Variants in COL6A3 observed in about 807,000 individuals in gnomAD.
COL6A3 encodes collagen alpha-3(VI) chain.
A neutral mutation model predicts 274.1 loss-of-function variants in COL6A3; 137 were observed. The ratio of observed to expected loss-of-function variants is 0.50; its 90% CI spans 0.44 to 0.58. The LOEUF is 0.58. Among genes scored for constraint, COL6A3 ranks in the 20% least tolerant of loss-of-function variants. The pLI, the probability that COL6A3 is intolerant of heterozygous loss-of-function variation, is 0.00. For missense variants in COL6A3, 3,950 were observed against 4,124.9 expected, an observed-to-expected ratio of 0.96 and a Z score of 1.16; for synonymous variants, 1,650 against 1,650.6, an observed-to-expected ratio of 1.00 and a Z score of 0.01.
intron 1 of COL6A3, among the ~76,000 whole-genome samples, chr2:237,412,310 G>A (rs1345225159): frequency 1.3e-5 from 2 of 152,162 alleles, no homozygotes; most frequent in Non-Finnish European, 2.9e-5. Context: ...CGATGCCCCC[G>A]CCCCACGGTC....
intron 38 of COL6A3, among the ~76,000 whole-genome samples, chr2:237,340,049 G>A (rs1159188599): frequency 6.6e-6 from 1 of 152,208 alleles, no homozygotes; most frequent in African/African-American, 2.4e-5. Flanking sequence ...CCCGATCAAA[G>A]CAACTCTTTC....
intron 1 of COL6A3, among the ~76,000 whole-genome samples, chr2:237,399,739 C>T (rs2078542577): frequency 6.6e-6 from 1 of 152,216 alleles, no homozygotes; most frequent in South Asian, 2.1e-4. Context: ...AGCTCTTACT[C>T]CTCTGAAGCA....
Position 237,324,746 on chromosome 2 carries a change from A to C in COL6A3, c.*28T>G, listed in dbSNP as rs756223167. The C allele has an allele frequency of 6.2e-7, 1 of 1,612,500 alleles. No homozygotes were observed. Among genetic ancestry groups the C allele is most frequent in the Non-Finnish European group, 8.5e-7 (1 of 1,178,884 alleles). ...GCGATGGCTGACTCCTTCTTCTTCAAGAGGTATATGATGTTGGCCACCCAC... is the reference window on the plus strand; with the variant it reads ...GCGATGGCTGACTCCTTCTTCTTCACGAGGTATATGATGTTGGCCACCCAC... On this transcript the variant is annotated 3_prime_UTR_variant, in exon 44 of 44. Transcript: ENST00000295550.
At chr2:237,333,152 A>C in intron 42 of COL6A3, 1 of 458,038 alleles carries the variant, frequency 2.2e-6, no homozygotes, top group South Asian at 2.4e-5. Context: ...CCACAAATCA[A>C]CTCGAGTCCC....
chr2:237,359,434 C>T, intron 17 of COL6A3, 46 bp from the exon 18 acceptor site: 1 of 1,611,568 alleles, frequency 6.2e-7, no homozygotes, highest in Non-Finnish European at 8.5e-7. Context: ...TCCTGCAGGG[C>T]TGGTCCCTCG....
rs578249894 is a variant in COL6A3 at position 237,366,963 on chromosome 2, G to A, written c.5224C>T (p.Arg1742Trp). Reference sequence around the variant, plus strand: ...ATCACAAAGGCAATCTGAGGGACCCGCTGGTCCAGGCGGCTGCCTGCCTCA... The same window carrying A: ...ATCACAAAGGCAATCTGAGGGACCCACTGGTCCAGGCGGCTGCCTGCCTCA... ...VPEAGSRLDQ[R>W]VPQIAFVITG... The change falls in exon 11 of 44, where the codon CGG (arginine) becomes TGG (tryptophan). Residue 1742 changes from arginine (R) to tryptophan (W), a missense_variant. This residue lies in a region of COL6A3 where 632 missense variants were observed against 623.4 expected (regional missense o/e 1.01). Coordinates refer to ENST00000295550, the MANE Select transcript of COL6A3 (RefSeq NM_004369.4). 12 of 1,614,230 alleles carry A rather than the reference G, an allele frequency of 7.4e-6. No homozygotes were observed. Among genetic ancestry groups the A allele is most frequent in the Middle Eastern group, 1.6e-4 (1 of 6,062 alleles).
At chr2:237,351,261 T>C in intron 26 of COL6A3, 69 bp from the exon 27 acceptor site, 1 of 1,467,862 alleles carries the variant, frequency 6.8e-7, no homozygotes. Flanking sequence ...CTCTGAAACC[T>C]GACTCTCCCC....
rs1211493181 is a variant in COL6A3 at position 237,364,391 on chromosome 2, A to T, written c.5876T>A (p.Leu1959Gln). ...IHFTDGADGD[L>Q]ADLHRASENL... ...CTCAGATGCTCTGTGTAAATCAGCC[A>T]GATCTCCGTCTGCTCCATCAGTAAA... is the stretch of plus-strand genomic sequence containing the variant. Residue 1959 changes from leucine (L) to glutamine (Q), a missense_variant, in exon 13 of 44, where the codon CTG becomes CAG. By Grantham distance (113) the Leu-to-Gln change is moderately radical. Around this residue, in one of 5 missense-constraint regions of COL6A3, gnomAD observed 632 missense variants for 623.4 expected, o/e 1.01. Coordinates refer to ENST00000295550, the MANE Select transcript of COL6A3 (RefSeq NM_004369.4). The surrounding 1 kb of genome is among the most constrained non-coding windows in gnomAD (Gnocchi z 4.6). 6 of 1,614,018 alleles carry T rather than the reference A, an allele frequency of 3.7e-6. No individual in the cohort carries two copies. Among genetic ancestry groups the T allele is most frequent in the Non-Finnish European group, 5.1e-6 (6 of 1,179,998 alleles).
Position 237,340,771 on chromosome 2 carries a change from T to C in COL6A3, c.8145A>G (p.Leu2715=), listed in dbSNP as rs35763271. ...GMTQLQGTRA[L]GSAIEYTIEN... is the part of the protein sequence containing the mutation. ...CTATGGTGTATTCAATGGCACTGCC[T>C]AAGGCCCTGGTTCCCTGCAACTGTG... is the stretch of plus-strand genomic sequence containing the variant. Residue 2715 remains leucine (L), a synonymous_variant, in exon 38 of 44, where the codon TTA becomes TTG. Transcript: ENST00000295550. 3.6e-3 allele frequency: 5,786 copies of C among 1,614,190 alleles called. 166 individuals carry two copies. The African/African-American group carries it at 0.058, about 16-fold the overall frequency.
At chr2:237,367,369 CTGAAA>C (rs2077579149) in intron 10 of COL6A3, 83 bp from the exon 11 acceptor site, 1 of 1,475,156 alleles carries the variant, frequency 6.8e-7, no homozygotes, top group African/African-American at 1.4e-5. Flanking sequence ...AATTAAATAA[CTGAAA>C]TAAGACATTC....
chr2:237,331,039 G>A (rs1013246892), intron 42 of COL6A3, among the ~76,000 whole-genome samples: 1 of 152,124 alleles, frequency 6.6e-6, no homozygotes, highest in Admixed American at 6.6e-5. Context: ...CTAAGAAAGG[G>A]ACCCATCTCT....
chr2:237,394,943 G>A lies in COL6A3; in HGVS notation c.353C>T (p.Thr118Ile). Residue 118 changes from threonine (T) to isoleucine (I), a missense_variant, in exon 3 of 44, where the codon ACT (threonine) becomes ATT (isoleucine). Coordinates refer to ENST00000295550, the MANE Select transcript of COL6A3 (RefSeq NM_004369.4). ...NMSYIGGTNQ[T>I]GKGLEYIMQS... is the part of the protein sequence containing the mutation. ...CATTATGTATTCTAATCCTTTTCCA[G>A]TCTGATTGGTTCCCCCAATATAAGA... is the stretch of plus-strand genomic sequence containing the variant. 1 of 1,614,000 alleles carries A rather than the reference G, an allele frequency of 6.2e-7. No homozygotes were observed. The highest frequency in any genetic ancestry group is 8.5e-7 in the Non-Finnish European group (1 of 1,179,960).
Position 237,364,885 on chromosome 2 carries a change from G to A in COL6A3, c.5839-457C>T, listed in dbSNP as rs2077516708. Among the ~76,000 whole-genome samples the A allele has an allele frequency of 6.7e-6, 1 of 149,688 alleles. No individual in the cohort carries two copies. Among genetic ancestry groups the A allele is most frequent in the Non-Finnish European group, 1.5e-5 (1 of 67,400 alleles). ...CGTATGTGTGTGCATGTGTATGGGT[G>A]CATGTGCGTGCATGTGTGTGGGTGC... On this transcript the variant is annotated intron_variant, in intron 12 of 43. Transcript: ENST00000295550. This position sits in a 1 kb window ranked among gnomAD's most constrained non-coding sequence, Gnocchi z 4.6.
At chr2:237,333,945 A>G (rs1700395573) in intron 41 of COL6A3, among the ~76,000 whole-genome samples, 1 of 152,204 alleles carries the variant, frequency 6.6e-6, no homozygotes, top group Admixed American at 6.5e-5. Context: ...GGCCTGAAGA[A>G]AAGAGGAGCC....
rs1199803622 is a variant in COL6A3, at chr2:237,324,629, G to A, written c.*145C>T. 1.3e-6 allele frequency: 1 copy of A among 743,816 alleles called. No individual in the cohort carries two copies. Among genetic ancestry groups the A allele is most frequent in the Admixed American group, 2.0e-5 (1 of 49,616 alleles). The allele number at this position is 743,816 out of a possible 1,614,324, so 46.1% of individuals were successfully genotyped here. A position where few individuals can be genotyped will look rare whatever the true frequency, so the allele number is the denominator to read the frequency against. On this transcript the variant is annotated 3_prime_UTR_variant, in exon 44 of 44. Coordinates refer to ENST00000295550, the MANE Select transcript of COL6A3 (RefSeq NM_004369.4). ...CACCATACTGATAGGTCATGCAGCAGGATGTTCCCTCCCGAGTTCGAGTGT... is the reference window on the plus strand; with the variant it reads ...CACCATACTGATAGGTCATGCAGCAAGATGTTCCCTCCCGAGTTCGAGTGT...
At chr2:237,377,477 A>C in intron 6 of COL6A3, 133 bp from the exon 7 acceptor site, 1 of 836,206 alleles carries the variant, frequency 1.2e-6, no homozygotes, top group Non-Finnish European at 2.0e-6. Flanking sequence ...GCAAGAGAAG[A>C]GAAAACCCAA....
Position 237,378,861 on chromosome 2 carries a change from A to G in COL6A3, c.2272T>C (p.Ser758Pro). The G allele has an allele frequency of 1.2e-6, 2 of 1,614,250 alleles. No individual in the cohort carries two copies. Among genetic ancestry groups the G allele is most frequent in the Non-Finnish European group, 1.7e-6 (2 of 1,180,046 alleles). The part of the protein sequence containing the change: ...LLLTAGQSED[S>P]YLQAANALTR... ...AAGGCGTTGGCAGCTTGCAAATAGG[A>G]GTCCTCAGACTGCCCAGCTGTGAGC... The change falls in exon 6 of 44, where the codon TCC (serine) becomes CCC (proline). Residue 758 changes from serine (S) to proline (P), a missense_variant. Ser to Pro is a moderately conservative substitution (Grantham distance 74). Coordinates refer to ENST00000295550, the MANE Select transcript of COL6A3 (RefSeq NM_004369.4).
At chr2:237,372,849 A>C (rs1206242123) in intron 8 of COL6A3, among the ~76,000 whole-genome samples, 1 of 152,156 alleles carries the variant, frequency 6.6e-6, no homozygotes, top group African/African-American at 2.4e-5. Flanking sequence ...AAGAGAGAAG[A>C]AGCAATGCAT....
In COL6A3 at chr2:237,407,912, C is replaced by T. The variant is rs891737259; in HGVS notation, c.-31+6041G>A. On this transcript the variant is annotated intron_variant, in intron 1 of 43. Transcript: ENST00000295550. The surrounding 1 kb of genome is among the most constrained non-coding windows in gnomAD (Gnocchi z 4.3). The stretch of plus-strand genomic sequence containing the variant: ...AAGAAATATTGCACAAATGCCCACT[C>T]CATTCCAACTCCTTGCCACGTGACG... Among the ~76,000 whole-genome samples the T allele has an allele frequency of 6.6e-6, 1 of 152,204 alleles. No individual in the cohort carries two copies. The highest frequency in any genetic ancestry group is 2.4e-5 in the African/African-American group (1 of 41,454).
Sources: allele counts gnomAD v4.1 joint callset (sites outside exome capture counted in the v4.1 genomes callset), GRCh38; gene constraint gnomAD v4.1.1; regional missense constraint gnomAD v4.1.1; non-coding constraint Gnocchi (gnomAD v3.1); transcripts MANE v1.5; gene names NCBI Gene and HGNC (gene_info 2026-07-23, HGNC 2026-07-21).